Variants in SLC39A11 observed in about 807,000 individuals in gnomAD.
The protein encoded by SLC39A11 is solute carrier family 39 member 11, also known as zinc transporter ZIP11.
A neutral mutation model predicts 36.1 loss-of-function variants in SLC39A11; 33 were observed. The observed-to-expected ratio is 0.91, with a 90% CI of 0.69 to 1.22. The LOEUF is 1.22. Ranked by LOEUF, SLC39A11 falls within the 50% of genes most tolerant of loss-of-function variation. SLC39A11 has a pLI of 0.00. For missense variants in SLC39A11, 432 were observed against 430.3 expected, an observed-to-expected ratio of 1.00 and a Z score of -0.03; for synonymous variants, 166 against 170.3, an observed-to-expected ratio of 0.97 and a Z score of 0.20.
intron 7 of SLC39A11, among the ~76,000 whole-genome samples, chr17:72,668,701 A>T (rs982557304): frequency 6.6e-6 from 1 of 152,240 alleles, no homozygotes; most frequent in Non-Finnish European, 1.5e-5. Context: ...GTAATCATGC[A>T]ACAACTGCTT....
intron 7 of SLC39A11, among the ~76,000 whole-genome samples, chr17:72,680,233 G>A (rs1260385946): frequency 6.6e-6 from 1 of 151,910 alleles, no homozygotes; most frequent in East Asian, 1.9e-4. Flanking sequence ...ATACCCATTA[G>A]CAGTCACTCC....
intron 4 of SLC39A11, among the ~76,000 whole-genome samples, chr17:72,994,620 C>T (rs996647901): frequency 5.3e-5 from 8 of 152,096 alleles, no homozygotes; most frequent in African/African-American, 1.9e-4. Context: ...AGTGAAAAAG[C>T]GCTTTTAATT....
At chr17:72,985,832 T>C (rs1171572258) in intron 4 of SLC39A11, among the ~76,000 whole-genome samples, 1 of 152,226 alleles carries the variant, frequency 6.6e-6, no homozygotes, top group Non-Finnish European at 1.5e-5. Context: ...TGTGACCTTT[T>C]TTGCAAACAG....
chr17:72,980,788 G>A (rs1214564625), intron 4 of SLC39A11, among the ~76,000 whole-genome samples: 2 of 152,180 alleles, frequency 1.3e-5, no homozygotes, highest in African/African-American at 4.8e-5. Flanking sequence ...ACTTTGGGAG[G>A]CTGAGGCGGG....
rs78426736 is a variant in SLC39A11 at position 72,867,149 on chromosome 17, G to T, written c.431-17345C>A. 5.2e-3 allele frequency among the ~76,000 whole-genome samples: 788 copies of T among 152,214 alleles called. 5 individuals are homozygous for T. Among genetic ancestry groups the T allele is most frequent in the African/African-American group, 0.018 (737 of 41,516 alleles). On this transcript the variant is annotated intron_variant, in intron 5 of 9. Coordinates refer to ENST00000255559, the MANE Select transcript of SLC39A11 (RefSeq NM_139177.4). ...GGTCCTCTGATTGGTAGGGAGGAGG[G>T]GAGAGATGCAGATTAATTTTAAACA...
At chr17:73,046,193 T>C (rs574476574) in intron 3 of SLC39A11, among the ~76,000 whole-genome samples, 1 of 152,326 alleles carries the variant, frequency 6.6e-6, no homozygotes, top group South Asian at 2.1e-4. Flanking sequence ...CCTCTTTTCT[T>C]GGCTCAAACG....
chr17:72,655,262 G>A (rs1446981451), intron 7 of SLC39A11, among the ~76,000 whole-genome samples: 5 of 152,220 alleles, frequency 3.3e-5, no homozygotes, highest in Admixed American at 6.5e-5. Context: ...CCCTCGCCCC[G>A]CTGCTTGTTG....
At chr17:72,833,268 G>A (rs139993723) in intron 6 of SLC39A11, among the ~76,000 whole-genome samples, 19 of 152,208 alleles carry the variant, frequency 1.2e-4, no homozygotes, top group East Asian at 1.9e-4. Flanking sequence ...ATTAATAACC[G>A]TCCTCTTTTG....
chr17:72,889,670 CAATTTTCA>C (rs2081625562), intron 5 of SLC39A11, among the ~76,000 whole-genome samples: 1 of 152,178 alleles, frequency 6.6e-6, no homozygotes, highest in Non-Finnish European at 1.5e-5. Flanking sequence ...CTTGACTTAT[CAATTTTCA>C]ACAGCACATA....
intron 7 of SLC39A11, among the ~76,000 whole-genome samples, chr17:72,698,345 G>C (rs2072416414): frequency 6.6e-6 from 1 of 151,912 alleles, no homozygotes; most frequent in Admixed American, 6.6e-5. Flanking sequence ...TTTTCAGTGT[G>C]GTAAAGTTGG....
At chr17:72,669,268 A>G (rs2070890755) in intron 7 of SLC39A11, among the ~76,000 whole-genome samples, 1 of 152,210 alleles carries the variant, frequency 6.6e-6, no homozygotes, top group Non-Finnish European at 1.5e-5. Context: ...ACTATGAACT[A>G]AACCACAGAC....
intron 4 of SLC39A11, among the ~76,000 whole-genome samples, chr17:72,986,346 G>T (rs2088754685): frequency 6.6e-6 from 1 of 152,160 alleles, no homozygotes; most frequent in Non-Finnish European, 1.5e-5. Context: ...TGGACAAACT[G>T]GTGGTTGCCA....
intron 6 of SLC39A11, among the ~76,000 whole-genome samples, chr17:72,801,492 GC>G (rs1350513743): frequency 6.6e-6 from 1 of 152,216 alleles, no homozygotes; most frequent in Non-Finnish European, 1.5e-5. Context: ...CTCCCAAATC[GC>G]TGGGATTTCA....
chr17:72,833,176 T>G (rs914046401), intron 6 of SLC39A11, among the ~76,000 whole-genome samples: 1 of 152,198 alleles, frequency 6.6e-6, no homozygotes, highest in Admixed American at 6.5e-5. Flanking sequence ...AGGCACTGCA[T>G]CTGGTTTAGA....
intron 5 of SLC39A11, among the ~76,000 whole-genome samples, chr17:72,932,495 T>C (rs553851911): frequency 1.4e-5 from 2 of 147,002 alleles, no homozygotes; most frequent in Admixed American, 6.8e-5. Flanking sequence ...CCTGTTTCTA[T>C]GAAACAACCT....
At chr17:72,922,360 C>A (rs994189510) in intron 5 of SLC39A11, among the ~76,000 whole-genome samples, 1 of 152,228 alleles carries the variant, frequency 6.6e-6, no homozygotes, top group Non-Finnish European at 1.5e-5. Context: ...TGATCCAGAA[C>A]ATATAGTGCT....
intron 6 of SLC39A11, among the ~76,000 whole-genome samples, chr17:72,796,521 C>A (rs2076900495): frequency 6.6e-6 from 1 of 152,126 alleles, no homozygotes; most frequent in Non-Finnish European, 1.5e-5. Flanking sequence ...CCCCTGCAGG[C>A]ACAGCCCAGG....
chr17:72,758,864 G>A (rs2075461066), intron 6 of SLC39A11, among the ~76,000 whole-genome samples: 1 of 152,218 alleles, frequency 6.6e-6, no homozygotes, highest in Non-Finnish European at 1.5e-5. Context: ...ACACAGGACT[G>A]AGATGACCCA....
At chr17:72,689,378 C>T (rs1277390009) in intron 7 of SLC39A11, among the ~76,000 whole-genome samples, 2 of 152,168 alleles carry the variant, frequency 1.3e-5, no homozygotes, top group African/African-American at 2.4e-5. Flanking sequence ...CCCGATGGGG[C>T]AGTTTTGAAA....
Sources: gnomAD v4.1 joint callset for allele counts (sites outside exome capture counted in the v4.1 genomes callset) on GRCh38, gnomAD v4.1.1 for gene constraint, MANE v1.5 for transcripts, NCBI Gene and HGNC (gene_info 2026-07-23, HGNC 2026-07-21) for gene names.